The following RAPGEF2 variants were observed in gnomAD, a reference collection of about 807,000 sequenced individuals.
RAPGEF2 encodes PDZ domain containing guanine nucleotide exchange factor (GEF) 1.
A neutral mutation model predicts 186.7 loss-of-function variants in RAPGEF2; 54 were observed. That is an observed-to-expected ratio of 0.29 (90% CI 0.23 to 0.36). The LOEUF is 0.36. Ranked by LOEUF, RAPGEF2 falls within the 10% of genes least tolerant of loss-of-function variation. The probability of loss-of-function intolerance (pLI) is 1.00; values close to 1 mark genes in which losing one functional copy is unlikely to be tolerated. For synonymous variants in RAPGEF2, 712 were observed against 705.9 expected, an observed-to-expected ratio of 1.01 and a Z score of -0.14; for missense variants, 1,532 against 2,045.0, an observed-to-expected ratio of 0.75 and a Z score of 4.84.
At chr4:159,177,653 C>T (rs1746576009) in intron 1 of RAPGEF2, among the ~76,000 whole-genome samples, 1 of 152,154 alleles carries the variant, frequency 6.6e-6, no homozygotes. Flanking sequence ...CTAAATAAAA[C>T]ACTGCAGCTT....
intron 1 of RAPGEF2, among the ~76,000 whole-genome samples, chr4:159,152,795 A>G (rs1743703949): frequency 6.6e-6 from 1 of 151,904 alleles, no homozygotes; most frequent in Non-Finnish European, 1.5e-5. Flanking sequence ...TTTTTTTTGT[A>G]TTTTTAGTAG....
At chr4:159,224,874 G>A (rs573858863) in intron 4 of RAPGEF2, among the ~76,000 whole-genome samples, 24 of 152,016 alleles carry the variant, frequency 1.6e-4, no homozygotes, top group Non-Finnish European at 3.4e-4. Context: ...GCTAATTGGT[G>A]GAATTTAGTG....
At chr4:159,250,789 C>T (rs916260092) in intron 7 of RAPGEF2, among the ~76,000 whole-genome samples, 1 of 150,668 alleles carries the variant, frequency 6.6e-6, no homozygotes, top group Non-Finnish European at 1.5e-5. Flanking sequence ...CTCGCTTGCT[C>T]TCGGCGCCTC....
intron 17 of RAPGEF2, among the ~76,000 whole-genome samples, chr4:159,337,790 T>C (rs1262350155): frequency 1.4e-5 from 2 of 144,562 alleles, no homozygotes; most frequent in African/African-American, 5.2e-5. Context: ...CTCAGGAGGC[T>C]GAGGCAGGAG....
chr4:159,129,987 C>T (rs550860231), intron 1 of RAPGEF2, among the ~76,000 whole-genome samples: 7 of 152,182 alleles, frequency 4.6e-5, no homozygotes, highest in African/African-American at 1.4e-4. Flanking sequence ...TATGAGTTTT[C>T]CTGGAAAGGG....
At chr4:159,203,997 C>T (rs964600750) in intron 3 of RAPGEF2, among the ~76,000 whole-genome samples, 1 of 152,138 alleles carries the variant, frequency 6.6e-6, no homozygotes, top group Non-Finnish European at 1.5e-5. Flanking sequence ...TTCCTGCTTC[C>T]TTCATGGGCT....
intron 4 of RAPGEF2, among the ~76,000 whole-genome samples, chr4:159,211,561 A>G (rs1367025633): frequency 6.6e-6 from 1 of 152,176 alleles, no homozygotes. Context: ...TTAAGAATCT[A>G]TTTGAAAGAT....
intron 4 of RAPGEF2, among the ~76,000 whole-genome samples, chr4:159,211,333 C>T (rs189588416): frequency 1.9e-4 from 29 of 152,266 alleles, no homozygotes; most frequent in African/African-American, 6.3e-4. Flanking sequence ...AGGGTGTCAG[C>T]TACTGAGTTT....
chr4:159,349,852 A>T (rs948706287), intron 25 of RAPGEF2, among the ~76,000 whole-genome samples: 1 of 152,228 alleles, frequency 6.6e-6, no homozygotes, highest in African/African-American at 2.4e-5. Context: ...TTGAATAAAG[A>T]TGGTGACTAC....
At chr4:159,218,592 C>T (rs921889816) in intron 4 of RAPGEF2, among the ~76,000 whole-genome samples, 1 of 151,958 alleles carries the variant, frequency 6.6e-6, no homozygotes, top group Non-Finnish European at 1.5e-5. Flanking sequence ...CCCTTCTTTA[C>T]TAAAAACACA....
rs554666030 is a variant in RAPGEF2, at chr4:159,124,790, C to G, written c.69+20559C>G. 1.9e-4 allele frequency among the ~76,000 whole-genome samples: 29 copies of G among 152,120 alleles called. No individual in the cohort carries two copies. The East Asian group carries it at 5.6e-3, about 29-fold the overall frequency. ...TCTGTTGATGATCTTTACAAATATA[C>G]TCTGAGGGGAAAAAAGAAATTTTAT... On this transcript the variant is annotated intron_variant, in intron 1 of 29. Coordinates refer to ENST00000691494, the MANE Select transcript of RAPGEF2 (RefSeq NM_001394067.2).
intron 1 of RAPGEF2, among the ~76,000 whole-genome samples, chr4:159,114,392 G>A (rs536968143): frequency 6.6e-6 from 1 of 151,822 alleles, no homozygotes; most frequent in Non-Finnish European, 1.5e-5. Flanking sequence ...GTGAGCCACT[G>A]CGCCCGGCCC....
chr4:159,213,736 G>A (rs1373393544), intron 4 of RAPGEF2, among the ~76,000 whole-genome samples: 1 of 152,002 alleles, frequency 6.6e-6, no homozygotes, highest in Non-Finnish European at 1.5e-5. Context: ...TTTTACTTTG[G>A]TTGTTTGAAC....
chr4:159,273,665 T>TCTTG (rs1561188859), intron 7 of RAPGEF2, among the ~76,000 whole-genome samples: 1 of 149,994 alleles, frequency 6.7e-6, no homozygotes. Flanking sequence ...TTTCTTTCTT[T>TCTTG]CTTTCTTTCT....
chr4:159,183,947 T>C (rs1747289503), intron 1 of RAPGEF2, among the ~76,000 whole-genome samples: 2 of 152,162 alleles, frequency 1.3e-5, no homozygotes, highest in African/African-American at 2.4e-5. Context: ...TGTGTCCAAG[T>C]GTTCTCATTG....
At position 159,335,711 on chromosome 4, in the gene RAPGEF2, T is replaced by C. The variant is rs147788195; in HGVS notation, c.2136-2600T>C. Among the ~76,000 whole-genome samples, 464 of 152,046 alleles carry C rather than the reference T, an allele frequency of 3.1e-3. 1 individual carries two copies. The highest frequency in any genetic ancestry group is 0.011 in the African/African-American group (436 of 41,472). Reference sequence around the variant, plus strand: ...TTAGCCGGGCATGGTGGCGGACGTCTGTAGTCCCAGCTACTCGGAGAGGCT... The same window carrying C: ...TTAGCCGGGCATGGTGGCGGACGTCCGTAGTCCCAGCTACTCGGAGAGGCT... On this transcript the variant is annotated intron_variant, in intron 17 of 29. Coordinates refer to ENST00000691494, the MANE Select transcript of RAPGEF2 (RefSeq NM_001394067.2).
intron 14 of RAPGEF2, 45 bp from the exon 15 acceptor site, chr4:159,331,585 T>G: frequency 6.2e-7 from 1 of 1,611,094 alleles, no homozygotes; most frequent in Non-Finnish European, 8.5e-7. Flanking sequence ...TTCATTTTAT[T>G]CAGCCTGTTC....
intron 6 of RAPGEF2, among the ~76,000 whole-genome samples, chr4:159,242,914 T>G (rs1203521603): frequency 6.6e-6 from 1 of 151,990 alleles, no homozygotes; most frequent in Non-Finnish European, 1.5e-5. Flanking sequence ...TATGGATTAT[T>G]TAAAATGTAG....
Position 159,331,615 on chromosome 4 carries a change from T to G in RAPGEF2, c.1576-15T>G. 6.2e-7 allele frequency: 1 copy of G among 1,614,026 alleles called. No homozygotes were observed. The highest frequency in any genetic ancestry group is 8.5e-7 in the Non-Finnish European group (1 of 1,179,894). On this transcript the variant is annotated splice_polypyrimidine_tract_variant and intron_variant, in intron 14 of 29. Transcript: ENST00000691494. ...CTGTTCTTGAGTTGACACTACTGTTTCTGAACTCTTAAAGAAAATGGGTGG... is the reference window on the plus strand; with the variant it reads ...CTGTTCTTGAGTTGACACTACTGTTGCTGAACTCTTAAAGAAAATGGGTGG...
Sources: allele counts gnomAD v4.1 joint callset (sites outside exome capture counted in the v4.1 genomes callset), GRCh38; gene constraint gnomAD v4.1.1; transcripts MANE v1.5; gene names NCBI Gene and HGNC (gene_info 2026-07-23, HGNC 2026-07-21).